The following AHNAK variants were observed in gnomAD, a reference collection of about 807,000 sequenced individuals.
The protein encoded by AHNAK is neuroblast differentiation-associated protein AHNAK.
In AHNAK, 23 loss-of-function variants were observed where a neutral mutation model predicts 37.8. The ratio of observed to expected loss-of-function variants is 0.61; its 90% confidence interval spans 0.44 to 0.86. The LOEUF (loss-of-function observed/expected upper bound fraction) is 0.86, where lower values mean the gene tolerates loss of function less well. Among genes scored for constraint, AHNAK ranks in the 40% least tolerant of loss-of-function variants. AHNAK has a pLI of 0.00. For missense variants in AHNAK, 7,411 were observed against 7,319.4 expected (o/e 1.01, Z -0.46); for synonymous variants, 2,481 against 2,636.3 (o/e 0.94, Z 1.80).
intron 5 of AHNAK, among the ~76,000 whole-genome samples, chr11:62,478,174 G>A (rs912052301): frequency 6.6e-6 from 1 of 152,072 alleles, no homozygotes. Flanking sequence ...ACCACCACCC[G>A]CAGCCTCACC....
At chr11:62,487,822 G>A (rs41427449) in intron 5 of AHNAK, among the ~76,000 whole-genome samples, 5,154 of 152,202 alleles carry the variant, frequency 0.034, 286 homozygotes, top group African/African-American at 0.11. Flanking sequence ...TTGAGAAGTC[G>A]ACTTAGAGAA....
intron 4 of AHNAK, among the ~76,000 whole-genome samples, chr11:62,501,961 A>C (rs1939720042): frequency 6.6e-6 from 1 of 152,200 alleles, no homozygotes; most frequent in Non-Finnish European, 1.5e-5. Context: ...AATAATCAAA[A>C]GCCACACTTC....
Position 62,518,071 on chromosome 11 carries a change from G to A in AHNAK, c.16346C>T (p.Ala5449Val). The stretch of plus-strand genomic sequence containing the variant: ...TTCCAAGTTAAAGTCCACATTCGGT[G>A]CTGAAATCCGAGGCCCTTTCAGGTT... Reference protein sequence around the residue: ...DVNLKGPRISAPNVDFNLEGP... With the variant: ...DVNLKGPRISVPNVDFNLEGP... Residue 5449 changes from alanine to valine, a missense_variant, in exon 5 of 5, where the codon GCA (alanine) becomes GTA (valine). Ala to Val is a moderately conservative substitution (Grantham distance 64). Coordinates refer to ENST00000378024, the MANE Select transcript of AHNAK (RefSeq NM_001620.3). 6.2e-7 allele frequency: 1 copy of A among 1,614,210 alleles called. No homozygotes were observed. The highest frequency in any genetic ancestry group is 8.5e-7 in the Non-Finnish European group (1 of 1,180,032).
chr11:62,521,220 C>T lies in AHNAK; in HGVS notation c.13197G>A (p.Val4399=). ...GCAGAGAGACATCCACATCACCTTT[C>T]ACTTTGGGACCCTTCAAGTTAAAGT... is the stretch of plus-strand genomic sequence containing the variant. ...DIDFNLKGPK[V]KGDVDVSLPK... The change falls in exon 5 of 5, where the codon GTG becomes GTA. Residue 4399 remains valine, a synonymous_variant. Transcript: ENST00000378024. 1 of 1,614,060 alleles carries T rather than the reference C, an allele frequency of 6.2e-7. No individual in the cohort carries two copies. Among genetic ancestry groups the T allele is most frequent in the Non-Finnish European group, 8.5e-7 (1 of 1,180,024 alleles).
At chr11:62,509,150 A>G (rs1260540423) in intron 4 of AHNAK, among the ~76,000 whole-genome samples, 13 of 152,188 alleles carry the variant, frequency 8.5e-5, no homozygotes, top group South Asian at 2.1e-4. Flanking sequence ...CCTGAACCCA[A>G]TCATGAGGAA....
intron 1 of AHNAK, among the ~76,000 whole-genome samples, chr11:62,544,779 C>G (rs1048293810): frequency 6.6e-6 from 1 of 151,536 alleles, no homozygotes; most frequent in Non-Finnish European, 1.5e-5. Flanking sequence ...ATTTCCCTCA[C>G]GGGGAGGGGA....
Position 62,517,035 on chromosome 11 carries a change from G to T in AHNAK, c.17382C>A (p.Thr5794=). Residue 5794 remains threonine (T), a synonymous_variant, in exon 5 of 5, where the codon ACC becomes ACA. Transcript: ENST00000378024. ...CTTCAAACTCCAGCGTCCCCGTCGG[G>T]GTGGAAGGTCCAGAGAACTCTCTTT... ...SDEREFSGPS[T]PTGTLEFEGG... is the part of the protein sequence containing the mutation. 2 of 1,614,162 alleles carry T rather than the reference G, an allele frequency of 1.2e-6. No homozygotes were observed. Among genetic ancestry groups the T allele is most frequent in the South Asian group, 2.2e-5 (2 of 91,074 alleles).
chr11:62,541,126 G>C (rs1451178631), intron 1 of AHNAK, among the ~76,000 whole-genome samples: 1 of 152,222 alleles, frequency 6.6e-6, no homozygotes, highest in African/African-American at 2.4e-5. Context: ...CAGCGTCAGT[G>C]TGGAGATGAC....
intron 4 of AHNAK, among the ~76,000 whole-genome samples, chr11:62,492,909 G>T (rs1049411604): frequency 6.6e-6 from 1 of 151,240 alleles, no homozygotes; most frequent in Admixed American, 6.6e-5. Flanking sequence ...TTCCCCAGGG[G>T]ATAGTAACCC....
Position 62,526,774 on chromosome 11 carries a change from A to T in AHNAK, c.7643T>A (p.Ile2548Asn). 6.2e-7 allele frequency: 1 copy of T among 1,613,856 alleles called. No homozygotes were observed. Among genetic ancestry groups the T allele is most frequent in the Non-Finnish European group, 8.5e-7 (1 of 1,179,994 alleles). Residue 2548 changes from isoleucine (I) to asparagine (N), a missense_variant, in exon 5 of 5, where the codon ATT becomes AAT. By Grantham distance (149) the Ile-to-Asn change is moderately radical. Transcript: ENST00000378024. ...TTCAATATTAACATCAGGGCCTTCAATGTCCACCTTGGGTCCTGAGATGTC... is the reference window on the plus strand; with the variant it reads ...TTCAATATTAACATCAGGGCCTTCATTGTCCACCTTGGGTCCTGAGATGTC... ...DVDISGPKVD[I>N]EGPDVNIEGP...
intron 4 of AHNAK, among the ~76,000 whole-genome samples, 177 bp downstream of exon 4, chr11:62,534,826 C>T (rs1940888898): frequency 3.9e-5 from 6 of 152,160 alleles, no homozygotes; most frequent in Admixed American, 3.9e-4. Context: ...AGCCACATGT[C>T]ACACGAAAGC....
chr11:62,518,416 A>G lies in AHNAK; in HGVS notation c.16001T>C (p.Val5334Ala). The G allele has an allele frequency of 6.2e-7, 1 of 1,614,056 alleles. No individual in the cohort carries two copies. The highest frequency in any genetic ancestry group is 1.1e-5 in the South Asian group (1 of 91,062). The change falls in exon 5 of 5, where the codon GTC becomes GCC. Residue 5334 changes from valine (V) to alanine (A), a missense_variant. Val to Ala is a moderately conservative substitution (Grantham distance 64). Transcript: ENST00000378024. ...VHAPGLNLSG[V>A]GGKMQVGGDG... ...TCCTCCCACCTGCATTTTGCCACCG[A>G]CACCACTGAGGTTGAGCCCTGGAGC...
intron 4 of AHNAK, among the ~76,000 whole-genome samples, chr11:62,492,754 C>T (rs376949581): frequency 6.6e-6 from 1 of 151,490 alleles, no homozygotes; most frequent in South Asian, 2.1e-4. Context: ...GGCACACAAC[C>T]GTAGTCCCAG....
intron 4 of AHNAK, among the ~76,000 whole-genome samples, chr11:62,509,852 A>G (rs1413786694): frequency 2.0e-5 from 3 of 150,844 alleles, no homozygotes; most frequent in Non-Finnish European, 3.0e-5. Context: ...TAGGAGGTGG[A>G]GGTTGCAGTG....
Position 62,533,410 on chromosome 11 carries a change from A to T in AHNAK, c.1007T>A (p.Val336Asp). 1.2e-6 allele frequency: 2 copies of T among 1,607,732 alleles called. No individual in the cohort carries two copies. Among genetic ancestry groups the T allele is most frequent in the Non-Finnish European group, 8.5e-7 (1 of 1,176,698 alleles). The change falls in exon 5 of 5, where the codon GTC becomes GAC. Residue 336 changes from valine (V) to aspartate (D), a missense_variant. Transcript: ENST00000378024. Reference sequence around the variant, plus strand: ...CTTGCCGCCCTTGTGCCCCACAGAGACTTCAGGTGCAGAAACCCTCAGCCC... The same window carrying T: ...CTTGCCGCCCTTGTGCCCCACAGAGTCTTCAGGTGCAGAAACCCTCAGCCC... ...KAGLRVSAPEVSVGHKGGKPG... is the reference protein window; with the variant it reads ...KAGLRVSAPEDSVGHKGGKPG...
rs770211439 is a variant in AHNAK, at chr11:62,533,473, C to T, written c.944G>A (p.Gly315Asp). The T allele has an allele frequency of 1.2e-6, 2 of 1,614,206 alleles. No homozygotes were observed. The highest frequency in any genetic ancestry group is 1.7e-5 in the Admixed American group (1 of 60,022). ...KFPTMKVPKF[G>D]VSTGREGQTP... is the part of the protein sequence containing the mutation. ...CTGGCCCTCACGCCCTGTTGAGACA[C>T]CAAATTTCGGCACTTTCATGGTGGG... The change falls in exon 5 of 5, where the codon GGT becomes GAT. Residue 315 changes from glycine (G) to aspartate (D), a missense_variant. Physicochemically the swap from Gly to Asp is moderately conservative, Grantham distance 94. Coordinates refer to ENST00000378024, the MANE Select transcript of AHNAK (RefSeq NM_001620.3).
At chr11:62,454,714 G>T (rs898565894) in intron 5 of AHNAK, among the ~76,000 whole-genome samples, 1 of 151,972 alleles carries the variant, frequency 6.6e-6, no homozygotes, top group Non-Finnish European at 1.5e-5. Flanking sequence ...GAGAAGAGTG[G>T]GAGGGGGAGG....
chr11:62,481,355 C>T (rs1030874788), intron 5 of AHNAK, among the ~76,000 whole-genome samples: 2 of 152,058 alleles, frequency 1.3e-5, no homozygotes, highest in Non-Finnish European at 2.9e-5. Context: ...AATCCACCCA[C>T]CTCGGCCTCC....
intron 5 of AHNAK, among the ~76,000 whole-genome samples, chr11:62,471,803 C>T (rs959950226): frequency 5.3e-5 from 8 of 152,190 alleles, no homozygotes; most frequent in Admixed American, 2.0e-4. Flanking sequence ...CACAGGCACC[C>T]CTCAGCCCCG....
Sources: gnomAD v4.1 joint callset for allele counts (sites outside exome capture counted in the v4.1 genomes callset) on GRCh38, gnomAD v4.1.1 for gene constraint, MANE v1.5 for transcripts, NCBI Gene and HGNC (gene_info 2026-07-23, HGNC 2026-07-21) for gene names.